Variants in ZSCAN10 observed in about 807,000 individuals in gnomAD.
The protein encoded by ZSCAN10 is zinc finger and SCAN domain-containing protein 10.
In ZSCAN10, 52 loss-of-function variants were observed where a neutral mutation model predicts 63.7. The observed-to-expected ratio is 0.82, with a 90% CI of 0.65 to 1.03. ZSCAN10 has a LOEUF of 1.03. Among genes scored for constraint, ZSCAN10 ranks in the 50% least tolerant of loss-of-function variants. ZSCAN10 has a pLI of 0.00. For missense variants in ZSCAN10, 1,223 were observed against 1,103.8 expected, an observed-to-expected ratio of 1.11 and a Z score of -1.53; for synonymous variants, 544 against 479.6, an observed-to-expected ratio of 1.13 and a Z score of -1.76.
At position 3,090,336 on chromosome 16, in the gene ZSCAN10, C is replaced by CT. The variant is rs779586950; in HGVS notation, c.1097dup (p.Leu367AlafsTer99). ...AGCGCCCAGCCGGGTGCGAGCGCAGCTGGTGCGCCTTCAGGCGAGACAGCT... is the reference window on the plus strand; with the variant it reads ...AGCGCCCAGCCGGGTGCGAGCGCAGCTTGGTGCGCCTTCAGGCGAGACAGCT... On this transcript the variant is annotated frameshift_variant, in exon 6 of 6. Coordinates refer to ENST00000576985, the MANE Select transcript of ZSCAN10 (RefSeq NM_032805.3). LOFTEE classifies it high-confidence loss of function. The CT allele has an allele frequency of 6.2e-7, 1 of 1,610,816 alleles. No individual in the cohort carries two copies.
At chr16:3,098,057 A>AAG in intron 1 of ZSCAN10, among the ~76,000 whole-genome samples, 1 of 150,898 alleles carries the variant, frequency 6.6e-6, no homozygotes, top group African/African-American at 2.4e-5. Context: ...AAAAAAAAAA[A>AAG]AAAAAGAAAG....
At position 3,092,694 on chromosome 16, in the gene ZSCAN10, G is replaced by C. The variant is rs998275402; in HGVS notation, c.244C>G (p.Gln82Glu). 6.2e-6 allele frequency: 10 copies of C among 1,613,478 alleles called. No homozygotes were observed. The highest frequency in any genetic ancestry group is 7.6e-6 in the Non-Finnish European group (9 of 1,179,916). ...WLRPALHTKK[Q>E]ILELLVLEQF... ...TCCAGCACCAGCAGCTCCAGGATCT[G>C]TTTCTTGGTGTGCAGAGCCGGCCGC... Residue 82 changes from glutamine to glutamate, a missense_variant, in exon 2 of 6, where the codon CAG becomes GAG. Physicochemically the swap from Gln to Glu is conservative, Grantham distance 29. Transcript: ENST00000576985.
At chr16:3,098,295 G>A (rs959474813) in intron 1 of ZSCAN10, among the ~76,000 whole-genome samples, 1 of 152,042 alleles carries the variant, frequency 6.6e-6, no homozygotes, top group African/African-American at 2.4e-5. Context: ...TTTGCCAAGT[G>A]CAAAGACCAA....
In ZSCAN10 at chr16:3,090,166, A is replaced by T. The variant is rs370376627; in HGVS notation, c.1268T>A (p.Leu423Gln). Reference sequence around the variant, plus strand: ...GGCGGGTTCGGAGGAGTGGGTCAGCAGGTGCTTGCTCAGGTGCGAGCTCTG... The same window carrying T: ...GGCGGGTTCGGAGGAGTGGGTCAGCTGGTGCTTGCTCAGGTGCGAGCTCTG... The part of the protein sequence containing the change: ...FRQSSHLSKH[L>Q]LTHSSEPAFL... Residue 423 changes from leucine (L) to glutamine (Q), a missense_variant, in exon 6 of 6, where the codon CTG becomes CAG. Leu to Gln is a moderately radical substitution (Grantham distance 113, BLOSUM62 -2). Transcript: ENST00000576985. 40 of 1,602,826 alleles carry T rather than the reference A, an allele frequency of 2.5e-5. No homozygotes were observed. The highest frequency in any genetic ancestry group is 3.0e-5 in the Non-Finnish European group (35 of 1,178,256).
rs1378898323 is a variant in ZSCAN10, at chr16:3,088,966, G to C, written c.*125C>G. On this transcript the variant is annotated 3_prime_UTR_variant, in exon 6 of 6. Coordinates refer to ENST00000576985, the MANE Select transcript of ZSCAN10 (RefSeq NM_032805.3). The stretch of plus-strand genomic sequence containing the variant: ...AGAAAGCAATGCCTCGGCCAGGGAA[G>C]GACAGCTGTGAAAGTGGAAGGAGAG... The C allele has an allele frequency of 2.2e-6, 3 of 1,372,040 alleles. No individual in the cohort carries two copies. The highest frequency in any genetic ancestry group is 2.8e-6 in the Non-Finnish European group (3 of 1,069,066). 85.0% of individuals were successfully genotyped at this position (1,372,040 alleles called of 1,614,324 possible).
At chr16:3,094,888 G>A (rs771864224) in intron 1 of ZSCAN10, among the ~76,000 whole-genome samples, 1 of 150,600 alleles carries the variant, frequency 6.6e-6, no homozygotes, top group Non-Finnish European at 1.5e-5. Context: ...GTCGGAAAAT[G>A]GTGAGTATGG....
At chr16:3,090,856 C>T (rs909998350) in intron 5 of ZSCAN10, among the ~76,000 whole-genome samples, 2 of 150,482 alleles carry the variant, frequency 1.3e-5, no homozygotes, top group African/African-American at 4.9e-5. Flanking sequence ...GAGTTCAAGA[C>T]CACCCTGGCC....
At chr16:3,092,483 T>C in intron 2 of ZSCAN10, 59 bp downstream of exon 2, 1 of 1,453,346 alleles carries the variant, frequency 6.9e-7, no homozygotes, top group Non-Finnish European at 9.1e-7. Context: ...GATTCCTCAC[T>C]GGGGGGATCA....
chr16:3,089,580 G>A lies in ZSCAN10; in HGVS notation c.1854C>T (p.Thr618=), dbSNP rs748624320. 3 of 1,588,748 alleles carry A rather than the reference G, an allele frequency of 1.9e-6. No individual in the cohort carries two copies. The highest frequency in any genetic ancestry group is 2.6e-6 in the Non-Finnish European group (3 of 1,168,358). ...TGCGCTGGTGGCGGGCCAGATCCTG[G>A]GTCTGGCCGAAACTCTTCCCGCACT... is the stretch of plus-strand genomic sequence containing the variant. The part of the protein sequence containing the change: ...CTQCGKSFGQ[T]QDLARHQRSH... The change falls in exon 6 of 6, where the codon ACC becomes ACT. Residue 618 remains threonine, a synonymous_variant. Transcript: ENST00000576985.
intron 1 of ZSCAN10, among the ~76,000 whole-genome samples, chr16:3,093,686 TC>T (rs61299013): frequency 0.43 from 50,176 of 117,620 alleles, 11,036 homozygotes; most frequent in African/African-American, 0.52. Flanking sequence ...CTTTTTTTTT[TC>T]TTTTTTTTTT....
intron 3 of ZSCAN10, 35 bp downstream of exon 3, chr16:3,092,014 C>A (rs1470816284): frequency 1.9e-6 from 3 of 1,550,248 alleles, no homozygotes; most frequent in Non-Finnish European, 2.6e-6. Flanking sequence ...TCCGCGACAC[C>A]CAGTCCTTGG....
chr16:3,089,045 C>A lies in ZSCAN10; in HGVS notation c.*46G>T. 6.9e-7 allele frequency: 1 copy of A among 1,447,342 alleles called. No individual in the cohort carries two copies. The highest frequency in any genetic ancestry group is 9.0e-7 in the Non-Finnish European group (1 of 1,111,168). 89.7% of individuals were successfully genotyped at this position (1,447,342 alleles called of 1,614,324 possible). Reference sequence around the variant, plus strand: ...TCCTGCAGGCCTCCGCTGTGGAGGACCCCGGGTAGGTGGCGCAGGGCGCGG... The same window carrying A: ...TCCTGCAGGCCTCCGCTGTGGAGGAACCCGGGTAGGTGGCGCAGGGCGCGG... On this transcript the variant is annotated 3_prime_UTR_variant, in exon 6 of 6. Transcript: ENST00000576985.
At chr16:3,090,903 A>C (rs1327115989) in intron 5 of ZSCAN10, among the ~76,000 whole-genome samples, 3 of 151,898 alleles carry the variant, frequency 2.0e-5, no homozygotes, top group Admixed American at 6.6e-5. Context: ...AAAAAAAAAA[A>C]AAAAACCAAA....
In ZSCAN10 at chr16:3,089,062, A is replaced by G. The variant is rs765482884; in HGVS notation, c.*29T>C. On this transcript the variant is annotated 3_prime_UTR_variant, in exon 6 of 6. Coordinates refer to ENST00000576985, the MANE Select transcript of ZSCAN10 (RefSeq NM_032805.3). ...GTGGAGGACCCCGGGTAGGTGGCGC[A>G]GGGCGCGGCTGGCGGAAGGCGGGCC... The G allele has an allele frequency of 5.3e-5, 77 of 1,464,004 alleles. No individual in the cohort carries two copies. The highest frequency in any genetic ancestry group is 6.8e-5 in the Non-Finnish European group (76 of 1,119,236). The allele number at this position is 1,464,004 out of a possible 1,614,324, so 90.7% of individuals were successfully genotyped here.
chr16:3,091,239 G>C (rs558166540), intron 5 of ZSCAN10, among the ~76,000 whole-genome samples: 1 of 152,348 alleles, frequency 6.6e-6, no homozygotes, highest in South Asian at 2.1e-4. Context: ...CTGAGCCCAG[G>C]AGGTCCCGGC....
Position 3,089,319 on chromosome 16 carries a change from C to T in ZSCAN10, c.2115G>A (p.Leu705=). 1 of 1,578,688 alleles carries T rather than the reference C, an allele frequency of 6.3e-7. No individual in the cohort carries two copies. Among genetic ancestry groups the T allele is most frequent in the Non-Finnish European group, 8.6e-7 (1 of 1,168,686 alleles). The change falls in exon 6 of 6, where the codon CTG becomes CTA. Residue 705 remains leucine, a synonymous_variant. Coordinates refer to ENST00000576985, the MANE Select transcript of ZSCAN10 (RefSeq NM_032805.3). ...CCGCATGGGTAGCCAGGTGCCGCCG[C>T]AGATGCGCGTTGCGCCGGAAGCTGC... ...CGRSFRRNAH[L]RRHLATHAEP...
Position 3,092,938 on chromosome 16 carries a change from C to G in ZSCAN10, c.-1G>C. The G allele has an allele frequency of 7.0e-7, 1 of 1,422,496 alleles. No individual in the cohort carries two copies. The highest frequency in any genetic ancestry group is 9.2e-7 in the Non-Finnish European group (1 of 1,090,098). The allele number at this position is 1,422,496 out of a possible 1,614,324, so 88.1% of individuals were successfully genotyped here. On this transcript the variant is annotated 5_prime_UTR_variant, in exon 2 of 6. Coordinates refer to ENST00000576985, the MANE Select transcript of ZSCAN10 (RefSeq NM_032805.3). ...CAGCTGGGACTGATTCTCCAAGCAT[C>G]CTTCACTGCGGGGATGCCTCCCTAA...
intron 1 of ZSCAN10, 136 bp downstream of exon 1, chr16:3,099,053 AC>A: frequency 6.6e-6 from 1 of 152,476 alleles, no homozygotes. Flanking sequence ...TCCCCAGCAG[AC>A]CCTCTACATC....
intron 4 of ZSCAN10, 44 bp from the exon 5 acceptor site, chr16:3,091,641 C>T (rs979553667): frequency 3.1e-6 from 5 of 1,613,328 alleles, no homozygotes; most frequent in Non-Finnish European, 8.5e-7. Flanking sequence ...GAACATGCCT[C>T]AGGAACCTGT....
Sources: allele counts gnomAD v4.1 joint callset (sites outside exome capture counted in the v4.1 genomes callset), GRCh38; gene constraint gnomAD v4.1.1; transcripts MANE v1.5; gene names NCBI Gene and HGNC (gene_info 2026-07-23, HGNC 2026-07-21).